OPN5: variants seen among roughly 807,000 people sequenced by gnomAD.
OPN5 encodes the protein opsin 5, also known as opsin-5.
A neutral mutation model predicts 41.7 loss-of-function variants in OPN5; 18 were observed. That is an observed-to-expected ratio of 0.43 (90% confidence interval 0.30 to 0.64). The LOEUF (loss-of-function observed/expected upper bound fraction) is 0.64, where lower values mean the gene tolerates loss of function less well. Ranked by LOEUF, OPN5 falls within the 30% of genes least tolerant of loss-of-function variation. OPN5 has a pLI of 0.13. For synonymous variants in OPN5, 178 were observed against 164.3 expected, an observed-to-expected ratio of 1.08 and a Z score of -0.64; for missense variants, 318 against 434.5, an observed-to-expected ratio of 0.73 and a Z score of 2.38.
chr6:47,825,551 A>T (rs889046239), downstream of OPN5: 6 of 152,154 alleles, frequency 3.9e-5, no homozygotes, highest in African/African-American at 1.4e-4. Flanking sequence ...ATGACAGATG[A>T]ACATGAGTCT....
chr6:47,807,928 A>T (rs1017548809), intron 4 of OPN5, among the ~76,000 whole-genome samples: 1 of 150,726 alleles, frequency 6.6e-6, no homozygotes, highest in Admixed American at 6.7e-5. Context: ...TCTAGAGTGG[A>T]TACTAGATAG....
chr6:47,787,229 A>T (rs1773219872), intron 2 of OPN5: 2 of 930,256 alleles, frequency 2.1e-6, no homozygotes, highest in African/African-American at 1.8e-5. Flanking sequence ...GTTCTGAATT[A>T]AGTCGTTGAG....
At chr6:47,808,460 G>A in intron 5 of OPN5, 65 bp downstream of exon 5, 3 of 1,552,932 alleles carry the variant, frequency 1.9e-6, no homozygotes, top group Non-Finnish European at 2.6e-6. Flanking sequence ...AGGGTTCAAG[G>A]TACTCAGATG....
At chr6:47,804,889 G>T (rs1773903759) in intron 4 of OPN5, among the ~76,000 whole-genome samples, 1 of 152,102 alleles carries the variant, frequency 6.6e-6, no homozygotes, top group Admixed American at 6.5e-5. Flanking sequence ...TTCCCCAATT[G>T]CACACTCCTC....
In OPN5 at chr6:47,782,326, A is replaced by G. The variant is rs371753847; in HGVS notation, c.130+130A>G. The G allele has an allele frequency of 4.3e-5, 32 of 749,042 alleles. No individual in the cohort carries two copies. The African/African-American group carries it at 4.6e-4, about 11-fold the overall frequency. The allele number at this position is 749,042 out of a possible 1,614,324, so 46.4% of individuals were successfully genotyped here. Reference sequence around the variant, plus strand: ...GGAGGCGAAGAGTGGGGAAAGGCAGAAGATGGAATGGCATTATGGCATTCA... The same window carrying G: ...GGAGGCGAAGAGTGGGGAAAGGCAGGAGATGGAATGGCATTATGGCATTCA... On this transcript the variant is annotated intron_variant, in intron 1 of 6. Coordinates refer to ENST00000371211, the Ensembl canonical transcript of OPN5.
intron 6 of OPN5, among the ~76,000 whole-genome samples, chr6:47,819,961 T>C (rs1352526494): frequency 2.0e-5 from 3 of 152,208 alleles, no homozygotes. Context: ...CCAAGGATTG[T>C]TTTTATGTAA....
At chr6:47,813,249 C>T (rs1027478398) in intron 6 of OPN5, among the ~76,000 whole-genome samples, 2 of 152,124 alleles carry the variant, frequency 1.3e-5, no homozygotes, top group East Asian at 3.9e-4. Flanking sequence ...GAGCACGTGG[C>T]ACGTCAGATA....
At chr6:47,805,286 G>A (rs1450600018) in intron 4 of OPN5, among the ~76,000 whole-genome samples, 1 of 152,186 alleles carries the variant, frequency 6.6e-6, no homozygotes, top group East Asian at 1.9e-4. Context: ...CAGTTTAACT[G>A]CTAAGCATAG....
At chr6:47,801,705 A>G (rs1773780963) in intron 4 of OPN5, among the ~76,000 whole-genome samples, 1 of 152,052 alleles carries the variant, frequency 6.6e-6, no homozygotes, top group Non-Finnish European at 1.5e-5. Flanking sequence ...ACATATCACA[A>G]TTTTTAATTA....
At chr6:47,824,737 G>A (rs1762742068), downstream of OPN5, 2 of 151,968 alleles carry the variant, frequency 1.3e-5, no homozygotes, top group Admixed American at 1.3e-4. Flanking sequence ...TTGTGTATGT[G>A]TTTTTTTCCT....
chr6:47,782,113 A>G (rs377432555), exon 1 of OPN5: 39 of 1,613,542 alleles, frequency 2.4e-5, no homozygotes, highest in Middle Eastern at 3.3e-4. Flanking sequence ...CGCCTGCCCC[A>G]TTACCTTCGA....
exon 5 of OPN5, chr6:47,808,189 C>G (rs1427322342): frequency 5.0e-6 from 8 of 1,613,658 alleles, no homozygotes; most frequent in East Asian, 2.2e-5. Context: ...TCCTGATTGC[C>G]TGGATTCCTT....
intron 4 of OPN5, 59 bp from the exon 5 acceptor site, chr6:47,808,095 C>T: frequency 6.3e-7 from 1 of 1,582,980 alleles, no homozygotes; most frequent in Non-Finnish European, 8.7e-7. Context: ...CCCATCGTTT[C>T]AGACTCATGT....
chr6:47,816,033 G>GA, intron 6 of OPN5, among the ~76,000 whole-genome samples: 1 of 152,268 alleles, frequency 6.6e-6, no homozygotes, highest in East Asian at 1.9e-4. Flanking sequence ...ATATGTGAGA[G>GA]AAAAAATTCT....
chr6:47,802,961 T>A (rs1404262324), intron 4 of OPN5, among the ~76,000 whole-genome samples: 1 of 152,208 alleles, frequency 6.6e-6, no homozygotes, highest in Non-Finnish European at 1.5e-5. Flanking sequence ...TACTTGTTTT[T>A]TTCTTTTTTT....
intron 6 of OPN5, among the ~76,000 whole-genome samples, chr6:47,818,968 T>C (rs548619614): frequency 6.6e-6 from 1 of 152,202 alleles, no homozygotes; most frequent in East Asian, 1.9e-4. Flanking sequence ...TTGCAGCAGC[T>C]GCTGCTGGTC....
intron 1 of OPN5, among the ~76,000 whole-genome samples, chr6:47,782,530 C>A (rs537570066): frequency 6.6e-6 from 1 of 152,116 alleles, no homozygotes; most frequent in East Asian, 1.9e-4. Context: ...AAACAGAGTG[C>A]TTTTTAAATA....
chr6:47,818,715 C>T (rs192405800), intron 6 of OPN5, among the ~76,000 whole-genome samples: 70 of 152,236 alleles, frequency 4.6e-4, no homozygotes, highest in Admixed American at 1.5e-3. Flanking sequence ...GAGCTATTTT[C>T]GGTATTGTTA....
chr6:47,782,727 T>G (rs1471679547), intron 1 of OPN5, among the ~76,000 whole-genome samples: 1 of 152,212 alleles, frequency 6.6e-6, no homozygotes, highest in Non-Finnish European at 1.5e-5. Flanking sequence ...TAAGCCATTT[T>G]GGTGACAGTT....
Sources: gnomAD v4.1 joint callset for allele counts (sites outside exome capture counted in the v4.1 genomes callset) on GRCh38, gnomAD v4.1.1 for gene constraint, MANE v1.5 for transcripts, NCBI Gene and HGNC (gene_info 2026-07-23, HGNC 2026-07-21) for gene names.